KANK1: variants seen among roughly 807,000 people sequenced by gnomAD.
The protein encoded by KANK1 is KN motif and ankyrin repeat domains 1, also known as KN motif and ankyrin repeat domain-containing protein 1.
KANK1 carries 109 observed loss-of-function variants against 106.2 expected under a neutral mutation model. That is an observed-to-expected ratio of 1.03 (90% confidence interval 0.88 to 1.20). KANK1 has a LOEUF of 1.20. Ranked by LOEUF, KANK1 falls within the 50% of genes most tolerant of loss-of-function variation. KANK1 has a pLI of 0.00. For synonymous variants in KANK1, 873 were observed against 652.2 expected (o/e 1.34, Z -5.16); for missense variants, 2,399 against 1,710.7 (o/e 1.40, Z -7.10).
At chr9:580,913 C>T (rs1821940726) in intron 1 of KANK1, among the ~76,000 whole-genome samples, 1 of 152,208 alleles carries the variant, frequency 6.6e-6, no homozygotes, top group Non-Finnish European at 1.5e-5. Context: ...CGAGCCTTGC[C>T]CCACGGGGAG....
In KANK1 at chr9:743,311, G is replaced by A. The variant is rs143443815; in HGVS notation, c.3897+906G>A. 1.3e-4 allele frequency among the ~76,000 whole-genome samples: 20 copies of A among 152,278 alleles called. No individual in the cohort carries two copies. In the East Asian group the frequency reaches 3.9e-3, roughly 29 times the overall value. ...CAGCGGAGTTTTTCACTGGTATGAG[G>A]GACTGACTAGCTTCACACTCAGCCA... On this transcript the variant is annotated intron_variant, in intron 10 of 11. Coordinates refer to ENST00000382297, the MANE Select transcript of KANK1 (RefSeq NM_015158.5).
chr9:557,311 G>C (rs566467186), intron 1 of KANK1, among the ~76,000 whole-genome samples: 32 of 152,222 alleles, frequency 2.1e-4, no homozygotes, highest in African/African-American at 6.7e-4. Context: ...CAGAAAAAGA[G>C]GGAATATATT....
At chr9:539,870 C>T (rs2060497537) in intron 1 of KANK1, among the ~76,000 whole-genome samples, 1 of 152,038 alleles carries the variant, frequency 6.6e-6, no homozygotes, top group Non-Finnish European at 1.5e-5. Context: ...AATAGAAGTG[C>T]TACTGATTTT....
chr9:717,562 A>T (rs541546279), intron 3 of KANK1, among the ~76,000 whole-genome samples: 2 of 152,190 alleles, frequency 1.3e-5, no homozygotes, highest in Admixed American at 6.5e-5. Context: ...CCTGATAGTG[A>T]CCAGAGGTGT....
At chr9:688,138 G>A (rs986259470) in intron 2 of KANK1, among the ~76,000 whole-genome samples, 1 of 152,194 alleles carries the variant, frequency 6.6e-6, no homozygotes, top group Non-Finnish European at 1.5e-5. Context: ...GCCTTTTCCC[G>A]TAAGTTCCCA....
At chr9:473,723 C>T (rs551335405) in intron 3 of KANK1, among the ~76,000 whole-genome samples, 6 of 149,164 alleles carry the variant, frequency 4.0e-5, no homozygotes, top group African/African-American at 1.5e-4. Flanking sequence ...TTTTTTGAGA[C>T]AGAGTCTCTC....
At chr9:684,096 G>T (rs1323262) in intron 2 of KANK1, 26 of 897,636 alleles carry the variant, frequency 2.9e-5, no homozygotes, top group Non-Finnish European at 3.3e-5. Context: ...AAAAGCCCCT[G>T]GCTCATCAGA....
intron 1 of KANK1, among the ~76,000 whole-genome samples, chr9:586,547 C>G (rs1284026780): frequency 6.6e-6 from 1 of 152,074 alleles, no homozygotes; most frequent in Non-Finnish European, 1.5e-5. Context: ...GAAAACAGTT[C>G]CGAGGTTTTA....
intron 1 of KANK1, among the ~76,000 whole-genome samples, chr9:672,662 G>A (rs1256100748): frequency 2.0e-5 from 3 of 152,168 alleles, no homozygotes; most frequent in Non-Finnish European, 4.4e-5. Context: ...GTTTGCATTG[G>A]TGTATTTTTA....
intron 1 of KANK1, among the ~76,000 whole-genome samples, chr9:505,109 G>T (rs2058686538): frequency 6.6e-6 from 1 of 152,112 alleles, no homozygotes; most frequent in South Asian, 2.1e-4. Flanking sequence ...CGGCGGGAGG[G>T]TGCGGGCGCC....
In KANK1 at chr9:713,102, T is replaced by C. The variant is rs1476007451; in HGVS notation, c.2336T>C (p.Ile779Thr). ...CTGGTTGGTCTCAAAATGAGGACTA[T>C]AGCTTGTGGGCCACCACAGTTGACT... is the stretch of plus-strand genomic sequence containing the variant. ...NYLVGLKMRT[I>T]ACGPPQLTVG... The change falls in exon 3 of 12, where the codon ATA becomes ACA. Residue 779 changes from isoleucine (I) to threonine (T), a missense_variant. Transcript: ENST00000382297. 1.9e-6 allele frequency: 3 copies of C among 1,610,212 alleles called. No individual in the cohort carries two copies. The highest frequency in any genetic ancestry group is 1.7e-5 in the Admixed American group (1 of 59,894).
At chr9:483,013 A>G (rs999227142) in intron 3 of KANK1, among the ~76,000 whole-genome samples, 1 of 152,196 alleles carries the variant, frequency 6.6e-6, no homozygotes, top group Non-Finnish European at 1.5e-5. Flanking sequence ...TATCAGGTCA[A>G]CTGTCGCAGC....
intron 3 of KANK1, chr9:495,707 C>A (rs1021576775): frequency 2.0e-5 from 3 of 152,156 alleles, no homozygotes; most frequent in Non-Finnish European, 4.4e-5. Context: ...TGCCTTGCCT[C>A]CCTTGGAAGA....
At chr9:619,919 C>T (rs1588309731) in intron 1 of KANK1, among the ~76,000 whole-genome samples, 1 of 152,130 alleles carries the variant, frequency 6.6e-6, no homozygotes, top group East Asian at 1.9e-4. Context: ...AGCAGATCAC[C>T]TGAAGTCAGG....
At chr9:611,935 G>T (rs111497489) in intron 1 of KANK1, among the ~76,000 whole-genome samples, 135 of 152,240 alleles carry the variant, frequency 8.9e-4, no homozygotes, top group African/African-American at 3.2e-3. Context: ...AGCCAGGATG[G>T]TCTCGATCTC....
intron 8 of KANK1, among the ~76,000 whole-genome samples, chr9:739,423 G>A (rs939102202): frequency 7.2e-5 from 11 of 152,128 alleles, no homozygotes; most frequent in African/African-American, 2.7e-4. Context: ...ACTTGGAATT[G>A]ATGCAGAGAA....
At chr9:656,533 T>C (rs1842184917) in intron 1 of KANK1, among the ~76,000 whole-genome samples, 1 of 152,144 alleles carries the variant, frequency 6.6e-6, no homozygotes, top group Admixed American at 6.5e-5. Flanking sequence ...CATACTGCTA[T>C]TCTCCAAGGC....
At chr9:657,535 G>A (rs1228984203) in intron 1 of KANK1, among the ~76,000 whole-genome samples, 2 of 151,934 alleles carry the variant, frequency 1.3e-5, no homozygotes, top group East Asian at 3.9e-4. Flanking sequence ...ACATGCTACC[G>A]ATGCTTTGTT....
intron 1 of KANK1, among the ~76,000 whole-genome samples, chr9:650,834 C>T (rs74985245): frequency 7.6e-4 from 115 of 152,094 alleles, no homozygotes; most frequent in African/African-American, 2.7e-3. Flanking sequence ...ATTCCAGTAA[C>T]GGCTTATTTT....
Sources: gnomAD v4.1 joint callset for allele counts (sites outside exome capture counted in the v4.1 genomes callset) on GRCh38, gnomAD v4.1.1 for gene constraint, MANE v1.5 for transcripts, NCBI Gene and HGNC (gene_info 2026-07-23, HGNC 2026-07-21) for gene names.